Variants in LRPPRC observed in about 807,000 individuals in gnomAD.
LRPPRC encodes the protein leucine-rich PPR motif-containing protein, mitochondrial.
In LRPPRC, 120 loss-of-function variants were observed where a neutral mutation model predicts 180.3. That is an observed-to-expected ratio of 0.67 (90% CI 0.57 to 0.77). The LOEUF (loss-of-function observed/expected upper bound fraction) is 0.77, where lower values mean the gene tolerates loss of function less well. Among genes scored for constraint, LRPPRC ranks in the 30% least tolerant of loss-of-function variants. The pLI is 0.00. For missense variants in LRPPRC, 2,012 were observed against 1,657.2 expected (o/e 1.21, Z -3.72); for synonymous variants, 723 against 600.0 (o/e 1.21, Z -3.00).
chr2:43,933,228 T>C (rs977318380), intron 25 of LRPPRC, among the ~76,000 whole-genome samples: 1 of 152,174 alleles, frequency 6.6e-6, no homozygotes, highest in African/African-American at 2.4e-5. Flanking sequence ...TCCTTTTCTA[T>C]ACTACACCGT....
intron 14 of LRPPRC, among the ~76,000 whole-genome samples, chr2:43,955,313 T>A (rs928427278): frequency 1.3e-5 from 2 of 151,346 alleles, no homozygotes; most frequent in African/African-American, 4.9e-5. Flanking sequence ...ACAAAAAAAT[T>A]TTAAAATTAG....
Position 43,888,307 on chromosome 2 carries a change from G to T in LRPPRC, c.*293C>A. On this transcript the variant is annotated 3_prime_UTR_variant, in exon 38 of 38. Coordinates refer to ENST00000260665, the MANE Select transcript of LRPPRC (RefSeq NM_133259.4). The stretch of plus-strand genomic sequence containing the variant: ...GGAATAACATTTTAATGAAATAAAT[G>T]AAACAGAGCAGGGAAACCAAAGAGC... 3.1e-6 allele frequency: 1 copy of T among 322,948 alleles called. No individual in the cohort carries two copies. The highest frequency in any genetic ancestry group is 5.8e-6 in the Non-Finnish European group (1 of 171,676). 20.0% of individuals were successfully genotyped at this position (322,948 alleles called of 1,614,324 possible). A position where few individuals can be genotyped will look rare whatever the true frequency, so the allele number is the denominator to read the frequency against.
chr2:43,930,663 T>C (rs532694221), intron 25 of LRPPRC, among the ~76,000 whole-genome samples: 1 of 152,290 alleles, frequency 6.6e-6, no homozygotes, highest in East Asian at 1.9e-4. Flanking sequence ...GGTTTTCAGA[T>C]GATTTACTTA....
chr2:43,931,360 G>A (rs1029985325), intron 25 of LRPPRC, among the ~76,000 whole-genome samples: 1 of 152,142 alleles, frequency 6.6e-6, no homozygotes, highest in African/African-American at 2.4e-5. Context: ...AGTAAAGAAT[G>A]GCATAGAGAA....
intron 29 of LRPPRC, among the ~76,000 whole-genome samples, chr2:43,915,129 C>A (rs1247671259): frequency 2.0e-5 from 3 of 147,822 alleles, no homozygotes; most frequent in Middle Eastern, 7.2e-3. Context: ...ACTTGGGAGG[C>A]AGGAGAATCA....
chr2:43,890,484 T>G (rs1670449398), intron 36 of LRPPRC: 1 of 341,676 alleles, frequency 2.9e-6, no homozygotes, highest in African/African-American at 2.2e-5. Flanking sequence ...GAGGCCGAGG[T>G]AGGCGGATCA....
In LRPPRC at chr2:43,950,562, G is replaced by A. The variant is rs58811869; in HGVS notation, c.1677+11C>T. On this transcript the variant is annotated intron_variant, in intron 15 of 37. Transcript: ENST00000260665. ...AAGCACCTTATGATTTGCAATATTA[G>A]AGGGACTTACCTCGCTCCAAAGATT... The A allele has an allele frequency of 5.3e-5, 85 of 1,610,960 alleles. No homozygotes were observed. The highest frequency in any genetic ancestry group is 6.9e-5 in the Non-Finnish European group (81 of 1,177,340).
In LRPPRC at chr2:43,943,442, A is replaced by T. The variant is rs4263155; in HGVS notation, c.2504+245T>A. Among the ~76,000 whole-genome samples the T allele has an allele frequency of 0.21, 31,316 of 151,808 alleles. 4,006 individuals carry two copies. Among genetic ancestry groups the T allele is most frequent in the African/African-American group, 0.35 (14,603 of 41,358 alleles). Reference sequence around the variant, plus strand: ...CAAAACTAGGAAAAACTAGATTCAAATTCAAGTGATCACATGCTCCTACAA... The same window carrying T: ...CAAAACTAGGAAAAACTAGATTCAATTTCAAGTGATCACATGCTCCTACAA... On this transcript the variant is annotated intron_variant, in intron 23 of 37. Transcript: ENST00000260665.
At chr2:43,911,422 G>C (rs1671251407) in intron 30 of LRPPRC, among the ~76,000 whole-genome samples, 2 of 151,898 alleles carry the variant, frequency 1.3e-5, no homozygotes, top group Admixed American at 1.3e-4. Context: ...GTGAAAGGAT[G>C]GCAGGCATCC....
intron 2 of LRPPRC, among the ~76,000 whole-genome samples, 199 bp from the exon 3 acceptor site, chr2:43,980,147 T>C (rs1674238696): frequency 6.6e-6 from 1 of 152,224 alleles, no homozygotes; most frequent in Non-Finnish European, 1.5e-5. Flanking sequence ...GTCTGCTTTC[T>C]TAAGAAATCT....
chr2:43,909,639 T>C lies in LRPPRC; in HGVS notation c.3275+2793A>G, dbSNP rs983576042. 5.3e-5 allele frequency among the ~76,000 whole-genome samples: 8 copies of C among 149,756 alleles called. No individual in the cohort carries two copies. The East Asian group carries it at 1.4e-3, about 26-fold the overall frequency. On this transcript the variant is annotated intron_variant, in intron 30 of 37. Transcript: ENST00000260665. ...ATAATAATAATAATAATAATAATAA[T>C]AATAATAATATTGAGGGTGGGAAAA...
At chr2:43,937,573 T>C (rs925741867) in intron 23 of LRPPRC, among the ~76,000 whole-genome samples, 5 of 152,192 alleles carry the variant, frequency 3.3e-5, no homozygotes, top group Admixed American at 1.3e-4. Flanking sequence ...TATGTAGTCA[T>C]AGGACTTTGG....
chr2:43,967,402 A>AAGAC lies in LRPPRC; in HGVS notation c.1370-3700_1370-3697dup, dbSNP rs1553409451. On this transcript the variant is annotated intron_variant, in intron 11 of 37. Coordinates refer to ENST00000260665, the MANE Select transcript of LRPPRC (RefSeq NM_133259.4). The stretch of plus-strand genomic sequence containing the variant: ...TATAGATAGATGATCGATTGATAGA[A>AAGAC]AGACAGATATAGATTTAGCTACACA... 4.0e-5 allele frequency among the ~76,000 whole-genome samples: 6 copies of AAGAC among 151,828 alleles called. 1 individual carries two copies. Among genetic ancestry groups the AAGAC allele is most frequent in the Admixed American group, 1.3e-4 (2 of 15,258 alleles).
At chr2:43,975,274 T>C (rs1222058693) in intron 6 of LRPPRC, 57 bp from the exon 7 acceptor site, 3 of 1,474,746 alleles carry the variant, frequency 2.0e-6, no homozygotes, top group Non-Finnish European at 2.8e-6. Context: ...AATATAGTTA[T>C]TCAAACTAAA....
Position 43,974,226 on chromosome 2 carries a change from G to C in LRPPRC, c.1079C>G (p.Ala360Gly). 2 of 1,610,258 alleles carry C rather than the reference G, an allele frequency of 1.2e-6. No homozygotes were observed. Among genetic ancestry groups the C allele is most frequent in the Non-Finnish European group, 1.7e-6 (2 of 1,176,442 alleles). Residue 360 changes from alanine to glycine, a missense_variant, in exon 9 of 38, where the codon GCA becomes GGA. Physicochemically the swap from Ala to Gly is moderately conservative, Grantham distance 60 (BLOSUM62 0). Coordinates refer to ENST00000260665, the MANE Select transcript of LRPPRC (RefSeq NM_133259.4). The stretch of plus-strand genomic sequence containing the variant: ...GCCATCTTCCTTTGATACGGGGCAT[G>C]CTAGTAAAATTTGCAACGCTACATC... Reference protein sequence around the residue: ...LEDVALQILLACPVSKEDGPS... With the variant: ...LEDVALQILLGCPVSKEDGPS...
At chr2:43,966,561 C>A (rs1243678885) in intron 11 of LRPPRC, among the ~76,000 whole-genome samples, 3 of 151,762 alleles carry the variant, frequency 2.0e-5, no homozygotes, top group Non-Finnish European at 4.4e-5. Context: ...CAGGCGCACG[C>A]CACCACGCCG....
rs1258472906 is a variant in LRPPRC at position 43,947,325 on chromosome 2, G to T, written c.2011C>A (p.Leu671Ile). The T allele has an allele frequency of 1.9e-6, 3 of 1,606,136 alleles. No homozygotes were observed. The African/African-American group carries it at 4.0e-5, about 21-fold the overall frequency. The change falls in exon 20 of 38, where the codon CTA (leucine) becomes ATA (isoleucine). Residue 671 changes from leucine to isoleucine, a missense_variant. By Grantham distance (5) the Leu-to-Ile change is conservative (BLOSUM62 2). Transcript: ENST00000260665. ...SSELESTLET[L>I]KAENQPIRDV... ...CTTATAGGTTGATTTTCAGCTTTTAGTGTTTCAAGTGTGGACTCCAATTCA... is the reference window on the plus strand; with the variant it reads ...CTTATAGGTTGATTTTCAGCTTTTATTGTTTCAAGTGTGGACTCCAATTCA...
At chr2:43,892,601 A>C (rs1034001526) in intron 36 of LRPPRC, 2 of 152,196 alleles carry the variant, frequency 1.3e-5, no homozygotes, top group African/African-American at 4.8e-5. Flanking sequence ...CAGGGAGATT[A>C]ATGTTGTTCT....
intron 12 of LRPPRC, among the ~76,000 whole-genome samples, chr2:43,961,084 C>A (rs1673328455): frequency 6.6e-6 from 1 of 152,070 alleles, no homozygotes; most frequent in African/African-American, 2.4e-5. Flanking sequence ...TTTATTGAAT[C>A]ATTTTATTAT....
Sources: allele counts gnomAD v4.1 joint callset (sites outside exome capture counted in the v4.1 genomes callset), GRCh38; gene constraint gnomAD v4.1.1; transcripts MANE v1.5; gene names NCBI Gene and HGNC (gene_info 2026-07-23, HGNC 2026-07-21).